Variants in NUP85 observed in about 807,000 individuals in gnomAD.
NUP85 encodes nuclear pore complex protein Nup85.
In NUP85, 23 loss-of-function variants were observed where a neutral mutation model predicts 92.8. The ratio of observed to expected loss-of-function variants is 0.25; its 90% confidence interval spans 0.18 to 0.35. The LOEUF is 0.35. Ranked by LOEUF, NUP85 falls within the 10% of genes least tolerant of loss-of-function variation. The probability of loss-of-function intolerance (pLI) is 1.00; values close to 1 mark genes in which losing one functional copy is unlikely to be tolerated. For missense variants in NUP85, 759 were observed against 822.8 expected, an observed-to-expected ratio of 0.92 and a Z score of 0.95; for synonymous variants, 314 against 306.9, an observed-to-expected ratio of 1.02 and a Z score of -0.24.
At chr17:75,214,481 A>T (rs1264704179) in intron 5 of NUP85, among the ~76,000 whole-genome samples, 1 of 152,180 alleles carries the variant, frequency 6.6e-6, no homozygotes, top group Non-Finnish European at 1.5e-5. Context: ...TGCTCTGTCT[A>T]CGTGTTTCAT....
Position 75,231,098 on chromosome 17 carries a change from A to ATT in NUP85, c.1095-238_1095-237dup, listed in dbSNP as rs1482327079. On this transcript the variant is annotated intron_variant, in intron 11 of 18. Coordinates refer to ENST00000245544, the MANE Select transcript of NUP85 (RefSeq NM_024844.5). This position sits in a 1 kb window ranked among gnomAD's most constrained non-coding sequence, Gnocchi z 4.6. Reference sequence around the variant, plus strand: ...AGGTGTGTGCCACCATGCCTGGCTAATTTTTGTATTTGTAGAGATGGGGTT... The same window carrying ATT: ...AGGTGTGTGCCACCATGCCTGGCTAATTTTTTTGTATTTGTAGAGATGGGGTT... 2 of 477,256 alleles carry ATT rather than the reference A, an allele frequency of 4.2e-6. No homozygotes were observed. Among genetic ancestry groups the ATT allele is most frequent in the Non-Finnish European group, 7.7e-6 (2 of 259,040 alleles). The allele number at this position is 477,256 out of a possible 1,614,324, so 29.6% of individuals were successfully genotyped here. A position where few individuals can be genotyped will look rare whatever the true frequency, so the allele number is the denominator to read the frequency against.
At chr17:75,212,247 G>GTTTTTTTTTGTTTTTTT (rs2075294230) in intron 4 of NUP85, among the ~76,000 whole-genome samples, 185 bp downstream of exon 4, 5 of 3,670 alleles carry the variant, frequency 1.4e-3, no homozygotes, top group African/African-American at 1.7e-3. Context: ...TTTTGTTGTT[G>GTTTTTTTTTGTTTTTTT]TTTTTTTTTT....
intron 6 of NUP85, 63 bp from the exon 7 acceptor site, chr17:75,218,122 A>G (rs1032539551): frequency 1.2e-6 from 2 of 1,608,042 alleles, no homozygotes; most frequent in Non-Finnish European, 8.5e-7. Flanking sequence ...TGTTCCTTGG[A>G]TAAAGGAACT....
intron 5 of NUP85, 143 bp downstream of exon 5, chr17:75,213,262 T>C (rs560059784): frequency 6.0e-6 from 4 of 667,574 alleles, no homozygotes; most frequent in Admixed American, 5.5e-5. Context: ...ACAGTGATTG[T>C]CTTGCCCCCT....
At chr17:75,207,242 G>C (rs998945032) in intron 1 of NUP85, among the ~76,000 whole-genome samples, 1 of 151,680 alleles carries the variant, frequency 6.6e-6, no homozygotes, top group African/African-American at 2.4e-5. Flanking sequence ...AGAGTGCAGT[G>C]GTGCGGTCTC....
At chr17:75,221,407 G>A (rs1157899967) in intron 7 of NUP85, among the ~76,000 whole-genome samples, 1 of 151,970 alleles carries the variant, frequency 6.6e-6, no homozygotes. Flanking sequence ...CCAAAGTGCT[G>A]GGATTACAGG....
At chr17:75,215,901 T>C (rs2075416583) in intron 6 of NUP85, 78 bp downstream of exon 6, 1 of 1,202,966 alleles carries the variant, frequency 8.3e-7, no homozygotes, top group Admixed American at 1.8e-5. Flanking sequence ...TTCCTGTGCA[T>C]GGTGATGAGT....
At chr17:75,228,670 T>C (rs1397437503) in intron 11 of NUP85, 1 of 985,336 alleles carries the variant, frequency 1.0e-6, no homozygotes, top group Non-Finnish European at 1.2e-6. Context: ...GCCAGTGAGC[T>C]GTTGGCATGC....
At position 75,233,100 on chromosome 17, in the gene NUP85, G is replaced by A. The variant is rs906960788; in HGVS notation, c.1557G>A (p.Leu519=). The change falls in exon 16 of 19, where the codon TTG becomes TTA. Residue 519 remains leucine, a synonymous_variant. Coordinates refer to ENST00000245544, the MANE Select transcript of NUP85 (RefSeq NM_024844.5). ...DYCERGCFSD[L]DLIDNLGPAM... ...GTGAGCGAGGCTGCTTTTCTGATTT[G>A]GATCTCATTGACAACCTGGGGCCAG... 5.0e-6 allele frequency: 8 copies of A among 1,614,018 alleles called. No homozygotes were observed. The highest frequency in any genetic ancestry group is 6.8e-6 in the Non-Finnish European group (8 of 1,180,050).
chr17:75,234,942 C>A, intron 17 of NUP85, 154 bp downstream of exon 17: 1 of 1,093,022 alleles, frequency 9.1e-7, no homozygotes, highest in Middle Eastern at 2.0e-4. Context: ...CAGACTCACA[C>A]AGGAAACAAA....
intron 7 of NUP85, among the ~76,000 whole-genome samples, chr17:75,220,093 A>G (rs2075553268): frequency 6.6e-6 from 1 of 152,134 alleles, no homozygotes; most frequent in Admixed American, 6.5e-5. Flanking sequence ...CTGGGTTAGC[A>G]TTCCAGCTCT....
At chr17:75,224,953 A>G in intron 7 of NUP85, 150 bp from the exon 8 acceptor site, 1 of 657,904 alleles carries the variant, frequency 1.5e-6, no homozygotes, top group South Asian at 2.6e-5. Flanking sequence ...GGAAAGAGCC[A>G]TCATTCTTCC....
chr17:75,218,549 G>C (rs972693130), intron 7 of NUP85, among the ~76,000 whole-genome samples: 1 of 145,416 alleles, frequency 6.9e-6, no homozygotes, highest in African/African-American at 2.5e-5. Context: ...TTTCTTTGTG[G>C]ATCTAAGGAA....
intron 5 of NUP85, among the ~76,000 whole-genome samples, chr17:75,213,996 C>T (rs991556380): frequency 4.6e-5 from 7 of 151,686 alleles, no homozygotes; most frequent in African/African-American, 9.7e-5. Flanking sequence ...CTCAGCCTCC[C>T]GAGTAGCTGG....
chr17:75,223,544 C>T (rs762343178), intron 7 of NUP85, among the ~76,000 whole-genome samples: 4 of 151,944 alleles, frequency 2.6e-5, no homozygotes, highest in Non-Finnish European at 5.9e-5. Context: ...TGCACCATCA[C>T]GCCCGGCTAA....
chr17:75,212,677 T>C lies in NUP85; in HGVS notation c.362-399T>C, dbSNP rs574866260. On this transcript the variant is annotated intron_variant, in intron 4 of 18. Coordinates refer to ENST00000245544, the MANE Select transcript of NUP85 (RefSeq NM_024844.5). Reference sequence around the variant, plus strand: ...TTGTCCAGTTTTCCTCAGAGAACTTTGTTCTGATAATTTTTAAATTATTTG... The same window carrying C: ...TTGTCCAGTTTTCCTCAGAGAACTTCGTTCTGATAATTTTTAAATTATTTG... Among the ~76,000 whole-genome samples the C allele has an allele frequency of 2.2e-3, 337 of 152,132 alleles. 1 individual carries two copies. The highest frequency in any genetic ancestry group is 3.9e-3 in the Non-Finnish European group (264 of 68,008).
intron 7 of NUP85, among the ~76,000 whole-genome samples, chr17:75,224,134 C>T (rs575164531): frequency 9.2e-5 from 14 of 152,278 alleles, no homozygotes; most frequent in South Asian, 6.2e-4. Context: ...CAACCTCCGC[C>T]GCCCAGATTC....
At chr17:75,233,026 T>C in intron 15 of NUP85, 32 bp from the exon 16 acceptor site, 1 of 1,613,310 alleles carries the variant, frequency 6.2e-7, no homozygotes, top group Non-Finnish European at 8.5e-7. Context: ...GGCCTGAGAC[T>C]GCTGCTCTGA....
intron 17 of NUP85, 150 bp downstream of exon 17, chr17:75,234,938 C>T: frequency 9.0e-7 from 1 of 1,106,562 alleles, no homozygotes; most frequent in Non-Finnish European, 1.4e-6. Flanking sequence ...ATTCCAGACT[C>T]ACACAGGAAA....
Sources: allele counts gnomAD v4.1 joint callset (sites outside exome capture counted in the v4.1 genomes callset), GRCh38; gene constraint gnomAD v4.1.1; non-coding constraint Gnocchi (gnomAD v3.1); transcripts MANE v1.5; gene names NCBI Gene and HGNC (gene_info 2026-07-23, HGNC 2026-07-21).